The following CHD7 variants were observed in gnomAD, a reference collection of about 807,000 sequenced individuals.
CHD7 encodes ATP-dependent chromatin remodeler CHD7.
CHD7 carries 24 observed loss-of-function variants against 307.3 expected under a neutral mutation model. The observed-to-expected ratio is 0.08, with a 90% CI of 0.06 to 0.11. The LOEUF is 0.11. Ranked by LOEUF, CHD7 falls within the 10% of genes least tolerant of loss-of-function variation. The probability of loss-of-function intolerance (pLI) is 1.00; values close to 1 mark genes in which losing one functional copy is unlikely to be tolerated. For missense variants in CHD7, 3,106 were observed against 3,727.1 expected, an observed-to-expected ratio of 0.83 and a Z score of 4.34; for synonymous variants, 1,363 against 1,349.9, an observed-to-expected ratio of 1.01 and a Z score of -0.21.
chr8:60,743,888 A>G (rs1006853744), intron 2 of CHD7, among the ~76,000 whole-genome samples: 3 of 152,236 alleles, frequency 2.0e-5, no homozygotes, highest in Admixed American at 2.0e-4. Flanking sequence ...TCAAAAATAT[A>G]TACTGATTAT....
chr8:60,737,453 A>G (rs1208415987), intron 1 of CHD7, among the ~76,000 whole-genome samples: 1 of 152,220 alleles, frequency 6.6e-6, no homozygotes, highest in East Asian at 1.9e-4. Context: ...CTCTCAGTCT[A>G]TAAAAGGATT....
chr8:60,680,580 G>C lies in CHD7; in HGVS notation c.-175+1498G>C, dbSNP rs906620354. On this transcript the variant is annotated intron_variant, in intron 1 of 37. Transcript: ENST00000423902. ...GGGAGCGCACCCCAAACTCCCGGCC[G>C]GCCGCCCGCTTTGTGAGCGCCCCCG... is the stretch of plus-strand genomic sequence containing the variant. 7.9e-5 allele frequency among the ~76,000 whole-genome samples: 12 copies of C among 152,204 alleles called. 1 individual carries two copies. The South Asian group carries it at 2.5e-3, about 32-fold the overall frequency.
rs1373492205 is a variant in CHD7 at position 60,855,943 on chromosome 8, A to G, written c.6937-32A>G. ...TAGTAATTTTAACCAGGGCTTTGTT[A>G]AAATTTCTTGTGACTTTTCTTCTCC... On this transcript the variant is annotated intron_variant, in intron 32 of 37. Coordinates refer to ENST00000423902, the MANE Select transcript of CHD7 (RefSeq NM_017780.4). 2.7e-6 allele frequency: 4 copies of G among 1,457,662 alleles called. No homozygotes were observed. In the East Asian group the frequency reaches 9.6e-5, roughly 35 times the overall value. 90.3% of individuals were successfully genotyped at this position (1,457,662 alleles called of 1,614,324 possible).
chr8:60,688,615 T>G (rs1806035402), intron 1 of CHD7, among the ~76,000 whole-genome samples: 1 of 152,200 alleles, frequency 6.6e-6, no homozygotes, highest in Non-Finnish European at 1.5e-5. Context: ...GATTCAGATA[T>G]CCCAGGTACT....
intron 23 of CHD7, among the ~76,000 whole-genome samples, chr8:60,848,161 A>G (rs760789617): frequency 3.9e-5 from 6 of 152,248 alleles, no homozygotes; most frequent in African/African-American, 1.4e-4. Flanking sequence ...ACTGAAAGCC[A>G]TCTGCTCAGT....
intron 1 of CHD7, among the ~76,000 whole-genome samples, chr8:60,715,383 G>A (rs1472374997): frequency 6.6e-6 from 1 of 150,478 alleles, no homozygotes; most frequent in African/African-American, 2.5e-5. Context: ...GAGTGCAGTG[G>A]CCGATCTCAC....
Position 60,866,036 on chromosome 8 carries a change from G to A in CHD7, c.*103G>A, listed in dbSNP as rs1037234021. ...CATACCTAGTTTTATAAGCTGTTCT[G>A]TAACATAGTGTAGCAAAAAAAAAAG... On this transcript the variant is annotated 3_prime_UTR_variant, in exon 38 of 38. Transcript: ENST00000423902. The A allele has an allele frequency of 3.8e-6, 4 of 1,066,612 alleles. No individual in the cohort carries two copies. The highest frequency in any genetic ancestry group is 2.6e-5 in the East Asian group (1 of 38,522). The allele number at this position is 1,066,612 out of a possible 1,614,324, so 66.1% of individuals were successfully genotyped here. A position where few individuals can be genotyped will look rare whatever the true frequency, so the allele number is the denominator to read the frequency against.
At position 60,741,521 on chromosome 8, in the gene CHD7, C is replaced by G; in HGVS notation, c.89C>G (p.Pro30Arg). Residue 30 changes from proline to arginine, a missense_variant, in exon 2 of 38, where the codon CCG becomes CGG. By Grantham distance (103) the Pro-to-Arg change is moderately radical. Transcript: ENST00000423902. ...GLEGLGECGY[P>R]ENPVNPMGQQ... ...GAAGGCCTCGGAGAATGTGGTTACC[C>G]GGAAAATCCAGTAAATCCTATGGGT... is the stretch of plus-strand genomic sequence containing the variant. 1 of 1,613,010 alleles carries G rather than the reference C, an allele frequency of 6.2e-7. No homozygotes were observed. Among genetic ancestry groups the G allele is most frequent in the Non-Finnish European group, 8.5e-7 (1 of 1,179,458 alleles).
At chr8:60,684,890 G>A (rs945010919) in intron 1 of CHD7, among the ~76,000 whole-genome samples, 3 of 152,192 alleles carry the variant, frequency 2.0e-5, no homozygotes, top group Non-Finnish European at 4.4e-5. Flanking sequence ...GTGGGATGGG[G>A]AAATCACAAT....
At chr8:60,787,513 ATTCT>A (rs1254017291) in intron 3 of CHD7, among the ~76,000 whole-genome samples, 3 of 152,250 alleles carry the variant, frequency 2.0e-5, no homozygotes, top group East Asian at 1.9e-4. Flanking sequence ...AATTGGTTTA[ATTCT>A]TTATGTTATA....
intron 1 of CHD7, among the ~76,000 whole-genome samples, chr8:60,726,784 C>T (rs991072263): frequency 5.9e-5 from 9 of 152,154 alleles, no homozygotes; most frequent in African/African-American, 2.2e-4. Context: ...CTGCATAACT[C>T]GTTGAGCCAG....
At chr8:60,679,219 G>GT (rs1337369665) in intron 1 of CHD7, 137 bp downstream of exon 1, 1 of 150,604 alleles carries the variant, frequency 6.6e-6, no homozygotes. Context: ...CGAGGGGCGA[G>GT]GGGCGAGGGC....
At chr8:60,690,278 T>A (rs1260571838) in intron 1 of CHD7, among the ~76,000 whole-genome samples, 4 of 152,222 alleles carry the variant, frequency 2.6e-5, no homozygotes, top group Non-Finnish European at 5.9e-5. Context: ...ATTTTGTACA[T>A]GTTTATAGTT....
At chr8:60,772,637 A>C (rs770226401) in intron 2 of CHD7, among the ~76,000 whole-genome samples, 1 of 152,202 alleles carries the variant, frequency 6.6e-6, no homozygotes, top group Non-Finnish European at 1.5e-5. Flanking sequence ...ACTTGAAACA[A>C]GACAGATGCC....
rs746837682 is a variant in CHD7 at position 60,781,006 on chromosome 8, C to G, written c.1672C>G (p.Pro558Ala). 2.4e-5 allele frequency: 37 copies of G among 1,549,408 alleles called. No homozygotes were observed. In the Admixed American group the frequency reaches 5.0e-4, roughly 21 times the overall value. The change falls in exon 3 of 38, where the codon CCG (proline) becomes GCG (alanine). Residue 558 changes from proline to alanine, a missense_variant. Pro to Ala is a conservative substitution (Grantham distance 27, BLOSUM62 -1). Coordinates refer to ENST00000423902, the MANE Select transcript of CHD7 (RefSeq NM_017780.4). ...PQKVPVHQHSPSEPFLEKPVP... is the reference protein window; with the variant it reads ...PQKVPVHQHSASEPFLEKPVP... ...TCCTATTTGTGTCTCTCAGCATTCC[C>G]CGTCGGAGCCCTTTCTAGAGAAACC...
At chr8:60,811,187 TTTGGTTTG>T (rs1812790112) in intron 7 of CHD7, among the ~76,000 whole-genome samples, 3 of 152,158 alleles carry the variant, frequency 2.0e-5, no homozygotes, top group African/African-American at 7.2e-5. Context: ...TTTCTTTAGT[TTTGGTTTG>T]TATTTGTATT....
At position 60,716,979 on chromosome 8, in the gene CHD7, A is replaced by G. The variant is rs372921067; in HGVS notation, c.-174-24280A>G. Among the ~76,000 whole-genome samples, 3 of 151,826 alleles carry G rather than the reference A, an allele frequency of 2.0e-5. No individual in the cohort carries two copies. The East Asian group carries it at 5.8e-4, about 29-fold the overall frequency. On this transcript the variant is annotated intron_variant, in intron 1 of 37. Transcript: ENST00000423902. ...TGAAGACAGTGTTTCTCTTTGAGACAGTCCTGATTAGCAAATTACACATTT... is the reference window on the plus strand; with the variant it reads ...TGAAGACAGTGTTTCTCTTTGAGACGGTCCTGATTAGCAAATTACACATTT...
intron 6 of CHD7, among the ~76,000 whole-genome samples, chr8:60,802,446 A>G (rs1236045375): frequency 6.6e-6 from 1 of 152,224 alleles, no homozygotes; most frequent in African/African-American, 2.4e-5. Flanking sequence ...AGCTTCAGTC[A>G]TTATCAATTC....
At chr8:60,809,180 T>C (rs1000090258) in intron 7 of CHD7, among the ~76,000 whole-genome samples, 1 of 152,204 alleles carries the variant, frequency 6.6e-6, no homozygotes, top group Non-Finnish European at 1.5e-5. Flanking sequence ...AATAAATTGA[T>C]GCACTTCTGA....
Sources: gnomAD v4.1 joint callset for allele counts (sites outside exome capture counted in the v4.1 genomes callset) on GRCh38, gnomAD v4.1.1 for gene constraint, MANE v1.5 for transcripts, NCBI Gene and HGNC (gene_info 2026-07-23, HGNC 2026-07-21) for gene names.